The following LRRC31 variants were observed in gnomAD, a reference collection of about 807,000 sequenced individuals.
LRRC31 encodes leucine rich repeat containing 31.
In LRRC31, 35 loss-of-function variants were observed where a neutral mutation model predicts 46.7. The ratio of observed to expected loss-of-function variants is 0.75; its 90% confidence interval spans 0.57 to 0.99. LRRC31 has a LOEUF of 0.99. LRRC31 is among the 50% of genes least tolerant of loss of function. The pLI, the probability that LRRC31 is intolerant of heterozygous loss-of-function variation, is 0.00. For synonymous variants in LRRC31, 236 were observed against 235.1 expected, an observed-to-expected ratio of 1.00 and a Z score of -0.03; for missense variants, 613 against 626.1, an observed-to-expected ratio of 0.98 and a Z score of 0.22.
In LRRC31 at chr3:169,853,429, G is replaced by T. The variant is rs1780849000; in HGVS notation, c.991+1384C>A. The T allele has an allele frequency of 3.0e-6, 3 of 985,260 alleles. No homozygotes were observed. The South Asian group carries it at 1.4e-4, about 46-fold the overall frequency. 61.0% of individuals were successfully genotyped at this position (985,260 alleles called of 1,614,324 possible). A position where few individuals can be genotyped will look rare whatever the true frequency, so the allele number is the denominator to read the frequency against. On this transcript the variant is annotated intron_variant, in intron 6 of 8. Transcript: ENST00000316428. ...TCCAGGGCCATTCACCCATGTCAGT[G>T]GCTGTGAACCTAGGTAAGGAAAGCT...
At chr3:169,848,096 G>C (rs201142957) in intron 8 of LRRC31, 24 bp downstream of exon 8, 13 of 1,599,818 alleles carry the variant, frequency 8.1e-6, no homozygotes, top group Non-Finnish European at 1.1e-5. Flanking sequence ...TGCCAAGACC[G>C]CTTGGGAACA....
At chr3:169,857,343 T>TACACACAC (rs1388668873) in intron 3 of LRRC31, among the ~76,000 whole-genome samples, 8 of 102,458 alleles carry the variant, frequency 7.8e-5, no homozygotes, top group African/African-American at 2.9e-4. Context: ...TATATATATA[T>TACACACAC]ATACACACAC....
At position 169,851,742 on chromosome 3, in the gene LRRC31, A is replaced by T; in HGVS notation, c.1036T>A (p.Ser346Thr). The T allele has an allele frequency of 6.2e-7, 1 of 1,614,208 alleles. No homozygotes were observed. Among genetic ancestry groups the T allele is most frequent in the South Asian group, 1.1e-5 (1 of 91,078 alleles). The change falls in exon 7 of 9, where the codon TCA (serine) becomes ACA (threonine). Residue 346 changes from serine to threonine, a missense_variant. Coordinates refer to ENST00000316428, the MANE Select transcript of LRRC31 (RefSeq NM_024727.4). ...GAACTGCCCATCTTTTTGTTGGCTG[A>T]TAAATCCAATTCTTGAAGATTTGAA... The part of the protein sequence containing the change: ...LLSNLQELDL[S>T]ANKKMGSSSE...
At chr3:169,866,865 G>A (rs1183100864) in intron 1 of LRRC31, among the ~76,000 whole-genome samples, 1 of 152,032 alleles carries the variant, frequency 6.6e-6, no homozygotes, top group Non-Finnish European at 1.5e-5. Flanking sequence ...GGGAGGCTGA[G>A]ACAAGAGAAT....
At chr3:169,861,636 A>G in intron 2 of LRRC31, 34 bp downstream of exon 2, 1 of 1,608,018 alleles carries the variant, frequency 6.2e-7, no homozygotes, top group East Asian at 2.2e-5. Flanking sequence ...GAAAGGCCCT[A>G]TCTTCCTCTA....
chr3:169,869,782 G>T lies in LRRC31; in HGVS notation c.26C>A (p.Ser9Tyr). The T allele has an allele frequency of 5.6e-6, 9 of 1,612,762 alleles. No homozygotes were observed. Among genetic ancestry groups the T allele is most frequent in the Non-Finnish European group, 6.8e-6 (8 of 1,179,646 alleles). The change falls in exon 1 of 9, where the codon TCC becomes TAC. Residue 9 changes from serine to tyrosine, a missense_variant. Transcript: ENST00000316428. ...CTGGGGCTTAGTTTCTCCTTCTGAG[G>T]AAGTTTTCTTCCTTGTTTGACTCAT... is the stretch of plus-strand genomic sequence containing the variant. MSQTRKKTSSEGETKPQTS... is the reference protein window; with the variant it reads MSQTRKKTYSEGETKPQTS...
intron 1 of LRRC31, among the ~76,000 whole-genome samples, chr3:169,868,882 A>G (rs1484886293): frequency 1.3e-5 from 2 of 152,022 alleles, no homozygotes; most frequent in African/African-American, 4.8e-5. Context: ...ATAAAGAAAC[A>G]TAGAGGCTGG....
At chr3:169,862,759 A>C (rs1390712290) in intron 1 of LRRC31, among the ~76,000 whole-genome samples, 1 of 151,792 alleles carries the variant, frequency 6.6e-6, no homozygotes, top group East Asian at 1.9e-4. Context: ...AACTGCATCT[A>C]AAAAAAATAA....
At chr3:169,857,329 TATATATATATATATATACAC>T (rs1780986890) in intron 3 of LRRC31, among the ~76,000 whole-genome samples, 1 of 108,318 alleles carries the variant, frequency 9.2e-6, no homozygotes, top group South Asian at 3.4e-4. Flanking sequence ...TATATATATA[TATATATATATATATATACAC>T]ACACACACAC....
intron 6 of LRRC31, among the ~76,000 whole-genome samples, chr3:169,854,387 C>T (rs1279654687): frequency 2.6e-5 from 4 of 152,188 alleles, no homozygotes; most frequent in Admixed American, 6.5e-5. Context: ...ACAGCCATCA[C>T]GCGCCACCCT....
Position 169,869,909 on chromosome 3 carries a change from A to G in LRRC31, c.-102T>C. 1 of 1,088,668 alleles carries G rather than the reference A, an allele frequency of 9.2e-7. No individual in the cohort carries two copies. Among genetic ancestry groups the G allele is most frequent in the Non-Finnish European group, 1.3e-6 (1 of 786,188 alleles). 67.4% of individuals were successfully genotyped at this position (1,088,668 alleles called of 1,614,324 possible). A position where few individuals can be genotyped will look rare whatever the true frequency, so the allele number is the denominator to read the frequency against. ...AGAAGATTCTGTCAAGCCTGTGTTC[A>G]ATCAAAATATCCTCCCCTACATGAC... On this transcript the variant is annotated 5_prime_UTR_variant, in exon 1 of 9. Transcript: ENST00000316428.
At chr3:169,861,452 G>A (rs891248121) in intron 2 of LRRC31, among the ~76,000 whole-genome samples, 2 of 151,456 alleles carry the variant, frequency 1.3e-5, no homozygotes, top group Non-Finnish European at 2.9e-5. Context: ...CCCGGGAGGC[G>A]GAGCTTACAG....
At chr3:169,865,017 C>T (rs1426168292) in intron 1 of LRRC31, among the ~76,000 whole-genome samples, 3 of 151,312 alleles carry the variant, frequency 2.0e-5, no homozygotes, top group Admixed American at 6.6e-5. Context: ...GCAGAGGTTG[C>T]GTGAGCCGAG....
chr3:169,839,252 T>G lies in LRRC31; in HGVS notation c.*730A>C, dbSNP rs1780376491. On this transcript the variant is annotated 3_prime_UTR_variant, in exon 9 of 9. Transcript: ENST00000316428. ...CTGGAGGCAATATGTTAACAATTTT[T>G]TAAACAATAAAAGGTTTTAATTTAT... 6.6e-6 allele frequency: 1 copy of G among 152,280 alleles called. No individual in the cohort carries two copies. The highest frequency in any genetic ancestry group is 2.1e-4 in the South Asian group (1 of 4,836). The allele number at this position is 152,280 out of a possible 1,614,324, so 9.4% of individuals were successfully genotyped here.
chr3:169,857,461 C>A (rs1781002514), intron 3 of LRRC31, among the ~76,000 whole-genome samples: 1 of 119,862 alleles, frequency 8.3e-6, no homozygotes, highest in Non-Finnish European at 1.8e-5. Context: ...GAACTGACCA[C>A]TACAGAGAGA....
chr3:169,841,508 C>T (rs993324039), intron 8 of LRRC31, among the ~76,000 whole-genome samples: 3 of 152,208 alleles, frequency 2.0e-5, no homozygotes, highest in African/African-American at 7.2e-5. Flanking sequence ...GTGTTCATGT[C>T]AGTGTGTGTC....
chr3:169,862,480 T>G (rs895696684), intron 1 of LRRC31, among the ~76,000 whole-genome samples: 3 of 152,156 alleles, frequency 2.0e-5, no homozygotes, highest in African/African-American at 4.8e-5. Flanking sequence ...AACATGCTAG[T>G]GGCTGGGCAC....
At chr3:169,858,201 G>A (rs1781030764) in intron 3 of LRRC31, among the ~76,000 whole-genome samples, 1 of 152,148 alleles carries the variant, frequency 6.6e-6, no homozygotes, top group Admixed American at 6.6e-5. Flanking sequence ...CCTCCTGATG[G>A]GAGAGGATGC....
In LRRC31 at chr3:169,854,869, A is replaced by G. The variant is rs373011894; in HGVS notation, c.935T>C (p.Leu312Pro). The change falls in exon 6 of 9, where the codon CTA (leucine) becomes CCA (proline). Residue 312 changes from leucine to proline, a missense_variant. Physicochemically the swap from Leu to Pro is moderately conservative, Grantham distance 98 (BLOSUM62 -3). Transcript: ENST00000316428. ...SPAQLVMLKH[L>P]QVLDLHQCSL... ...GCACTGGTGAAGATCTAGGACTTGTAGATGCTTTAGCATGACCAACTGAGC... is the reference window on the plus strand; with the variant it reads ...GCACTGGTGAAGATCTAGGACTTGTGGATGCTTTAGCATGACCAACTGAGC... 1.9e-6 allele frequency: 3 copies of G among 1,613,842 alleles called. No individual in the cohort carries two copies. Among genetic ancestry groups the G allele is most frequent in the African/African-American group, 2.7e-5 (2 of 75,044 alleles).
Sources: gnomAD v4.1 joint callset for allele counts (sites outside exome capture counted in the v4.1 genomes callset) on GRCh38, gnomAD v4.1.1 for gene constraint, MANE v1.5 for transcripts, NCBI Gene and HGNC (gene_info 2026-07-23, HGNC 2026-07-21) for gene names.